THOC2: variants seen among roughly 807,000 people sequenced by gnomAD.
The protein encoded by THOC2 is THO complex 2.
Under a neutral mutation model 128.4 loss-of-function variants are expected in THOC2, and 10 were observed. The ratio of observed to expected loss-of-function variants is 0.08; its 90% CI spans 0.05 to 0.13. The LOEUF is 0.13. THOC2 is among the 10% of genes least tolerant of loss of function. THOC2 has a pLI of 1.00. For missense variants in THOC2, 535 were observed against 1,155.7 expected (o/e 0.46, Z 7.79); for synonymous variants, 393 against 396.9 (o/e 0.99, Z 0.12).
intron 25 of THOC2, among the ~76,000 whole-genome samples, chrX:123,625,570 T>C: frequency 9.1e-6 from 1 of 109,392 alleles, no homozygotes; most frequent in East Asian, 2.8e-4. Flanking sequence ...AAGAGAGTTC[T>C]ACCTATTATG....
At chrX:123,681,375 G>T (rs1405525733) in intron 8 of THOC2, among the ~76,000 whole-genome samples, 2 of 109,885 alleles carry the variant, frequency 1.8e-5, no homozygotes, top group African/African-American at 3.3e-5. Flanking sequence ...GAAAGGTGGT[G>T]GGGGGGTGGG....
At chrX:123,613,374 T>A (rs1196050604) in intron 36 of THOC2, 25 bp downstream of exon 36, 2 of 1,171,533 alleles carry the variant, frequency 1.7e-6, no homozygotes, top group African/African-American at 3.6e-5. Flanking sequence ...ATAAAGCATA[T>A]TATTCCTTTA....
chrX:123,720,235 T>C (rs759304737), intron 1 of THOC2, among the ~76,000 whole-genome samples: 6 of 110,668 alleles, frequency 5.4e-5, no homozygotes, highest in Admixed American at 1.9e-4. Context: ...TGCTTGAGGC[T>C]AGGAGTTCGA....
In THOC2 at chrX:123,631,669, C is replaced by A. The variant is rs1177041135; in HGVS notation, c.2481+19G>T. Reference sequence around the variant, plus strand: ...AATTTGGATCGTTCTTGAGCGGCAGCAAAGACACTTGTACTTACCGAAATA... The same window carrying A: ...AATTTGGATCGTTCTTGAGCGGCAGAAAAGACACTTGTACTTACCGAAATA... On this transcript the variant is annotated intron_variant, in intron 22 of 38. Coordinates refer to ENST00000245838, the MANE Select transcript of THOC2 (RefSeq NM_001081550.2). 1.7e-6 allele frequency: 2 copies of A among 1,203,696 alleles called. No homozygotes were observed. The highest frequency in any genetic ancestry group is 3.0e-5 in the East Asian group (1 of 33,709).
At chrX:123,680,303 A>G (rs2049710156) in intron 8 of THOC2, among the ~76,000 whole-genome samples, 2 of 111,746 alleles carry the variant, frequency 1.8e-5, no homozygotes, top group South Asian at 7.7e-4. Flanking sequence ...TGAGATGTTT[A>G]TGTGTATACA....
At chrX:123,694,059 A>AG (rs922479351) in intron 7 of THOC2, among the ~76,000 whole-genome samples, 1 of 111,160 alleles carries the variant, frequency 9.0e-6, no homozygotes, top group Admixed American at 9.6e-5. Context: ...CACACCTTCA[A>AG]GAAAAATCCC....
At chrX:123,626,127 C>A in intron 24 of THOC2, 58 bp from the exon 25 acceptor site, 1 of 864,797 alleles carries the variant, frequency 1.2e-6, no homozygotes. Flanking sequence ...TGCCTCAAAG[C>A]CACTAAACAT....
At chrX:123,640,991 A>T (rs778755142) in intron 15 of THOC2, among the ~76,000 whole-genome samples, 3 of 112,021 alleles carry the variant, frequency 2.7e-5, no homozygotes, top group Non-Finnish European at 5.6e-5. Flanking sequence ...AGGGATTAAG[A>T]TATCAAATTT....
At chrX:123,711,958 TAAAAAAAAAAAAA>T (rs55916247) in intron 2 of THOC2, among the ~76,000 whole-genome samples, 3 of 46,853 alleles carry the variant, frequency 6.4e-5, no homozygotes, top group Non-Finnish European at 1.0e-4. Flanking sequence ...CTGTCTACTT[TAAAAAAAAAAAAA>T]AAAAAAAAAA....
At chrX:123,663,076 C>T (rs1033192904) in intron 12 of THOC2, among the ~76,000 whole-genome samples, 1 of 111,905 alleles carries the variant, frequency 8.9e-6, no homozygotes, top group Non-Finnish European at 1.9e-5. Flanking sequence ...CATATACTTA[C>T]TCATATGACC....
At chrX:123,724,422 C>T (rs987878038) in intron 1 of THOC2, among the ~76,000 whole-genome samples, 4 of 112,364 alleles carry the variant, frequency 3.6e-5, no homozygotes, top group African/African-American at 1.3e-4. Context: ...CTGTAGCTCA[C>T]ACCTGTAGTC....
intron 1 of THOC2, among the ~76,000 whole-genome samples, chrX:123,721,836 T>C (rs2051715834): frequency 9.0e-6 from 1 of 110,900 alleles, no homozygotes; most frequent in Admixed American, 9.6e-5. Flanking sequence ...CAATAGCCTA[T>C]ATGATGAAAT....
At chrX:123,724,903 CCT>C (rs2051877718) in intron 1 of THOC2, among the ~76,000 whole-genome samples, 1 of 110,238 alleles carries the variant, frequency 9.1e-6, no homozygotes, top group Admixed American at 9.7e-5. Flanking sequence ...GTGGTGAAAC[CCT>C]GTCTCTACCA....
chrX:123,725,749 G>A lies in THOC2; in HGVS notation c.71+7203C>T, dbSNP rs766300577. Among the ~76,000 whole-genome samples, 4 of 111,020 alleles carry A rather than the reference G, an allele frequency of 3.6e-5. No individual in the cohort carries two copies. In the South Asian group the frequency reaches 1.5e-3, roughly 42 times the overall value. On this transcript the variant is annotated intron_variant, in intron 1 of 38. Coordinates refer to ENST00000245838, the MANE Select transcript of THOC2 (RefSeq NM_001081550.2). ...ACCAGGCAACACAGAAATAACATCT[G>A]CTTCAGACTAGCATCAGAAGATATA...
chrX:123,700,112 C>T (rs1385688016), intron 4 of THOC2, among the ~76,000 whole-genome samples: 4 of 110,861 alleles, frequency 3.6e-5, no homozygotes, highest in Non-Finnish European at 7.6e-5. Flanking sequence ...CAATTACCTA[C>T]CCCAGCCCAG....
At chrX:123,666,751 T>C (rs1358585069) in intron 11 of THOC2, among the ~76,000 whole-genome samples, 2 of 110,578 alleles carry the variant, frequency 1.8e-5, no homozygotes, top group African/African-American at 6.6e-5. Context: ...TGGAGAAAAA[T>C]TACACTAAGA....
At chrX:123,699,653 G>A (rs924695035) in intron 4 of THOC2, among the ~76,000 whole-genome samples, 1 of 110,882 alleles carries the variant, frequency 9.0e-6, no homozygotes, top group Non-Finnish European at 1.9e-5. Flanking sequence ...TACCTCTCAA[G>A]GTCCCTAAGA....
At chrX:123,633,391 TTTTA>T (rs776133203) in intron 20 of THOC2, among the ~76,000 whole-genome samples, 234 of 111,507 alleles carry the variant, frequency 2.1e-3, no homozygotes, top group African/African-American at 7.2e-3. Context: ...TTGGTGATTA[TTTTA>T]TTTATTTATT....
At chrX:123,662,063 T>G (rs1014812430) in intron 12 of THOC2, among the ~76,000 whole-genome samples, 2 of 112,254 alleles carry the variant, frequency 1.8e-5, no homozygotes, top group Middle Eastern at 4.6e-3. Context: ...GTCAAGAAAT[T>G]AATACACAAT....
Sources: allele counts gnomAD v4.1 joint callset (sites outside exome capture counted in the v4.1 genomes callset), GRCh38; gene constraint gnomAD v4.1.1; transcripts MANE v1.5; gene names NCBI Gene and HGNC (gene_info 2026-07-23, HGNC 2026-07-21).